ZNF710: variants seen among roughly 807,000 people sequenced by gnomAD.
The protein encoded by ZNF710 is zinc finger protein 710.
A neutral mutation model predicts 50.6 loss-of-function variants in ZNF710; 13 were observed. That is an observed-to-expected ratio of 0.26 (90% CI 0.17 to 0.41). ZNF710 has a LOEUF of 0.41. Ranked by LOEUF, ZNF710 falls within the 10% of genes least tolerant of loss-of-function variation. The probability of loss-of-function intolerance (pLI) is 1.00; values close to 1 mark genes in which losing one functional copy is unlikely to be tolerated. For missense variants in ZNF710, 721 were observed against 936.6 expected, an observed-to-expected ratio of 0.77 and a Z score of 3.01; for synonymous variants, 383 against 397.0, an observed-to-expected ratio of 0.96 and a Z score of 0.42.
intron 1 of ZNF710, among the ~76,000 whole-genome samples, chr15:90,016,304 G>T (rs1372518167): frequency 6.6e-6 from 1 of 152,144 alleles, no homozygotes; most frequent in Non-Finnish European, 1.5e-5. Flanking sequence ...TTTTTAGACC[G>T]AGAAACTGAA....
intron 1 of ZNF710, among the ~76,000 whole-genome samples, chr15:90,030,607 C>T (rs1290420890): frequency 1.3e-5 from 2 of 151,964 alleles, no homozygotes; most frequent in Non-Finnish European, 2.9e-5. Flanking sequence ...GGGGAGGGGG[C>T]ACCAAGCAGG....
chr15:90,045,525 G>C (rs1028527011), intron 1 of ZNF710, among the ~76,000 whole-genome samples: 5 of 152,136 alleles, frequency 3.3e-5, no homozygotes, highest in African/African-American at 1.2e-4. Context: ...CCTGAGCCCA[G>C]GGGCCGCTGG....
In ZNF710 at chr15:90,012,208, G is replaced by GA. The variant is rs1281045821; in HGVS notation, c.-29+10605dup. Among the ~76,000 whole-genome samples, 105 of 108,098 alleles carry GA rather than the reference G, an allele frequency of 9.7e-4. 2 individuals carry two copies. Among genetic ancestry groups the GA allele is most frequent in the African/African-American group, 2.2e-3 (64 of 29,322 alleles). 70.9% of individuals were successfully genotyped at this position (108,098 alleles called of 152,430 possible). ...AACAGAGGGAGACTCCATCTCAAAA[G>GA]AAAAAAAAAAAGAAAAAGAAGTTGG... is the stretch of plus-strand genomic sequence containing the variant. On this transcript the variant is annotated intron_variant, in intron 1 of 4. Transcript: ENST00000268154.
At chr15:90,032,242 C>A (rs1898970407) in intron 1 of ZNF710, among the ~76,000 whole-genome samples, 1 of 152,096 alleles carries the variant, frequency 6.6e-6, no homozygotes, top group Admixed American at 6.5e-5. Flanking sequence ...AGGTGATCCT[C>A]CCGCCTCGGT....
At chr15:90,047,154 T>C (rs1899490236) in intron 1 of ZNF710, among the ~76,000 whole-genome samples, 1 of 152,286 alleles carries the variant, frequency 6.6e-6, no homozygotes, top group African/African-American at 2.4e-5. Context: ...GAGGCAGGCA[T>C]GTTTCCAGGG....
chr15:90,018,448 G>T (rs1040543632), intron 1 of ZNF710, among the ~76,000 whole-genome samples: 7 of 152,114 alleles, frequency 4.6e-5, no homozygotes, highest in African/African-American at 1.7e-4. Context: ...GATTACAGGC[G>T]TGAGCCACCG....
chr15:90,004,171 A>G (rs939454500), intron 1 of ZNF710, among the ~76,000 whole-genome samples: 2 of 152,098 alleles, frequency 1.3e-5, no homozygotes, highest in Non-Finnish European at 2.9e-5. Flanking sequence ...TCTAGAGACA[A>G]GGAGACAGAC....
chr15:89,999,904 G>C (rs1186635284), upstream of ZNF710, among the ~76,000 whole-genome samples: 1 of 151,994 alleles, frequency 6.6e-6, no homozygotes, highest in East Asian at 1.9e-4. Context: ...AGGAGATGCA[G>C]CCGGGAGGAA....
At chr15:90,003,933 T>A (rs1898076720) in intron 1 of ZNF710, among the ~76,000 whole-genome samples, 1 of 151,898 alleles carries the variant, frequency 6.6e-6, no homozygotes, top group South Asian at 2.1e-4. Context: ...ATTGGATGTT[T>A]GGGTCACATT....
intron 1 of ZNF710, among the ~76,000 whole-genome samples, chr15:90,017,804 G>A (rs911584037): frequency 6.6e-6 from 1 of 152,068 alleles, no homozygotes; most frequent in African/African-American, 2.4e-5. Flanking sequence ...CCAAATGGAT[G>A]CATTTTGATA....
intron 4 of ZNF710, 137 bp from the exon 5 acceptor site, chr15:90,079,523 G>T (rs1403638965): frequency 3.7e-6 from 4 of 1,081,082 alleles, no homozygotes; most frequent in Middle Eastern, 2.9e-4. Context: ...GGGTGGGAAG[G>T]CTGAGAGGCA....
intron 1 of ZNF710, among the ~76,000 whole-genome samples, chr15:90,012,909 T>C (rs1360623405): frequency 1.3e-5 from 2 of 152,198 alleles, no homozygotes; most frequent in Admixed American, 6.5e-5. Flanking sequence ...TCTTACTCCT[T>C]GTGTTTTTTA....
chr15:90,074,646 C>A, intron 4 of ZNF710: 1 of 567,690 alleles, frequency 1.8e-6, no homozygotes, highest in Non-Finnish European at 2.7e-6. Flanking sequence ...GAACAGAGAA[C>A]TTAGATAGCT....
At chr15:90,071,510 A>G (rs533615844) in intron 2 of ZNF710, among the ~76,000 whole-genome samples, 3 of 152,218 alleles carry the variant, frequency 2.0e-5, no homozygotes, top group African/African-American at 7.2e-5. Flanking sequence ...AGACATAGAC[A>G]CGGGAACCAT....
At chr15:90,064,612 C>T (rs540005116) in intron 1 of ZNF710, among the ~76,000 whole-genome samples, 1 of 152,186 alleles carries the variant, frequency 6.6e-6, no homozygotes, top group Non-Finnish European at 1.5e-5. Context: ...CTCAGACTCC[C>T]AAGCAGCTGG....
Position 90,055,187 on chromosome 15 carries a change from A to G in ZNF710, c.-28-11923A>G, listed in dbSNP as rs189523468. On this transcript the variant is annotated intron_variant, in intron 1 of 4. Coordinates refer to ENST00000268154, the MANE Select transcript of ZNF710 (RefSeq NM_198526.4). ...AAAGTTACAATAAGGTCCAGGAAGG[A>G]AAAGTATGAAATTTGAGATTGCACA... is the stretch of plus-strand genomic sequence containing the variant. Among the ~76,000 whole-genome samples, 17 of 152,316 alleles carry G rather than the reference A, an allele frequency of 1.1e-4. No individual in the cohort carries two copies. The East Asian group carries it at 3.1e-3, about 28-fold the overall frequency.
rs755088192 is a variant in ZNF710, at chr15:90,068,328, C to T, written c.1191C>T (p.His397=). The change falls in exon 2 of 5, where the codon CAC becomes CAT. Residue 397 remains histidine (H), a synonymous_variant. Coordinates refer to ENST00000268154, the MANE Select transcript of ZNF710 (RefSeq NM_198526.4). This position sits in a 1 kb window ranked among gnomAD's most constrained non-coding sequence, Gnocchi z 5.0. ...CCTACCCCAGCGAGCTCAAGGCCCA[C>T]GAAGTGAAGCATGAGAGTGGCCGCT... The part of the protein sequence containing the change: ...GFAYPSELKA[H]EVKHESGRCH... 63 of 1,612,888 alleles carry T rather than the reference C, an allele frequency of 3.9e-5. No individual in the cohort carries two copies. Among genetic ancestry groups the T allele is most frequent in the Non-Finnish European group, 5.2e-5 (61 of 1,179,934 alleles).
At chr15:90,064,777 C>A (rs1288102887) in intron 1 of ZNF710, among the ~76,000 whole-genome samples, 1 of 152,198 alleles carries the variant, frequency 6.6e-6, no homozygotes, top group Non-Finnish European at 1.5e-5. Flanking sequence ...TGTGAGCCAC[C>A]ATGCCCCTGC....
At chr15:90,045,203 C>A (rs1271934099) in intron 1 of ZNF710, among the ~76,000 whole-genome samples, 2 of 152,180 alleles carry the variant, frequency 1.3e-5, no homozygotes, top group Non-Finnish European at 2.9e-5. Flanking sequence ...GTCTTCATCT[C>A]TCTAGCTCCT....
Sources: allele counts gnomAD v4.1 joint callset (sites outside exome capture counted in the v4.1 genomes callset), GRCh38; gene constraint gnomAD v4.1.1; non-coding constraint Gnocchi (gnomAD v3.1); transcripts MANE v1.5; gene names NCBI Gene and HGNC (gene_info 2026-07-23, HGNC 2026-07-21).